The following HDAC9 variants were observed in gnomAD, a reference collection of about 807,000 sequenced individuals.
HDAC9 encodes the protein histone deacetylase 9.
A neutral mutation model predicts 139.4 loss-of-function variants in HDAC9; 41 were observed. That is an observed-to-expected ratio of 0.29 (90% confidence interval 0.23 to 0.38). The LOEUF (loss-of-function observed/expected upper bound fraction) is 0.38. HDAC9 is among the 10% of genes least tolerant of loss of function. The pLI is 1.00. For synonymous variants in HDAC9, 517 were observed against 476.2 expected (o/e 1.09, Z -1.12); for missense variants, 1,147 against 1,297.0 (o/e 0.88, Z 1.78).
intron 12 of HDAC9, among the ~76,000 whole-genome samples, chr7:18,705,510 A>T (rs565182155): frequency 6.6e-6 from 1 of 152,228 alleles, no homozygotes; most frequent in African/African-American, 2.4e-5. Flanking sequence ...TATTCCAATG[A>T]TTAACCGAAC....
At chr7:18,280,778 A>G (rs1797056551) in intron 2 of HDAC9, among the ~76,000 whole-genome samples, 1 of 151,946 alleles carries the variant, frequency 6.6e-6, no homozygotes, top group African/African-American at 2.4e-5. Context: ...AAATAAATAA[A>G]TAAATAAAAA....
In HDAC9 at chr7:18,859,840, A is replaced by ATGTGTGTGTGTGTGTG. The variant is rs1562997039; in HGVS notation, c.2685-14637_2685-14636insGTGTGTGTGTGTGTGT. ...TATATATATATATATATATATATAT[A>ATGTGTGTGTGTGTGTG]TATATATATATATATATATGTGAGA... On this transcript the variant is annotated intron_variant, in intron 21 of 25. Transcript: ENST00000686413. 2.9e-4 allele frequency among the ~76,000 whole-genome samples: 38 copies of ATGTGTGTGTGTGTGTG among 130,142 alleles called. 1 individual carries two copies. Among genetic ancestry groups the ATGTGTGTGTGTGTGTG allele is most frequent in the African/African-American group, 1.0e-3 (38 of 36,246 alleles). 85.4% of individuals were successfully genotyped at this position (130,142 alleles called of 152,430 possible). A position where few individuals can be genotyped will look rare whatever the true frequency, so the allele number is the denominator to read the frequency against.
rs1257378415 is a variant in HDAC9 at position 18,745,382 on chromosome 7, A to G, written c.1910-3623A>G. 2.0e-5 allele frequency among the ~76,000 whole-genome samples: 3 copies of G among 152,234 alleles called. No homozygotes were observed. In the East Asian group the frequency reaches 5.8e-4, roughly 29 times the overall value. ...TACCTGGCAAAAATTCCCAGCTACC[A>G]TTACCTGTTTCACAATTATTTTTCT... On this transcript the variant is annotated intron_variant, in intron 13 of 25. Transcript: ENST00000686413.
chr7:18,713,236 T>A (rs547805978), intron 12 of HDAC9, among the ~76,000 whole-genome samples: 1 of 152,310 alleles, frequency 6.6e-6, no homozygotes, highest in African/African-American at 2.4e-5. Flanking sequence ...ATGAGACCAC[T>A]TAGCAGAATC....
At chr7:18,439,656 A>T (rs1791559155) in intron 1 of HDAC9, among the ~76,000 whole-genome samples, 1 of 152,226 alleles carries the variant, frequency 6.6e-6, no homozygotes, top group Non-Finnish European at 1.5e-5. Context: ...TTGTAGTTTG[A>T]GAAATCAATT....
At position 18,975,860 on chromosome 7, in the gene HDAC9, C is replaced by G. The variant is rs1272235303; in HGVS notation, c.3077C>G (p.Ala1026Gly). ...GCTGTGCCAAGGGGCTGTGCTCTGG[C>G]TGGTGCTCAGTTGCAAGAGGAGACA... ...MVAVPRGCAL[A>G]GAQLQEETET... The change falls in exon 25 of 26, where the codon GCT becomes GGT. Residue 1026 changes from alanine (A) to glycine (G), a missense_variant. Ala to Gly is a moderately conservative substitution (Grantham distance 60). Transcript: ENST00000686413. 12 of 1,613,742 alleles carry G rather than the reference C, an allele frequency of 7.4e-6. No individual in the cohort carries two copies. Among genetic ancestry groups the G allele is most frequent in the Non-Finnish European group, 1.0e-5 (12 of 1,179,824 alleles).
At chr7:18,420,037 C>G (rs1277145751) in intron 1 of HDAC9, among the ~76,000 whole-genome samples, 3 of 152,048 alleles carry the variant, frequency 2.0e-5, no homozygotes, top group African/African-American at 7.2e-5. Context: ...CTCTGCTAGT[C>G]TATAGAAATT....
intron 6 of HDAC9, among the ~76,000 whole-genome samples, chr7:18,608,895 A>G (rs1487602973): frequency 6.6e-6 from 1 of 152,164 alleles, no homozygotes; most frequent in Admixed American, 6.5e-5. Context: ...GAACCACCGT[A>G]CTTCTTGAGG....
At chr7:18,650,635 A>G (rs1788938270) in intron 11 of HDAC9, among the ~76,000 whole-genome samples, 1 of 152,202 alleles carries the variant, frequency 6.6e-6, no homozygotes, top group African/African-American at 2.4e-5. Flanking sequence ...CATTTTAGCA[A>G]TGAGAAAAGC....
intron 22 of HDAC9, among the ~76,000 whole-genome samples, chr7:18,927,713 T>G (rs1271650517): frequency 6.6e-6 from 1 of 152,158 alleles, no homozygotes; most frequent in Non-Finnish European, 1.5e-5. Flanking sequence ...ATGAGTAAAT[T>G]GGTAGTGAGA....
intron 25 of HDAC9, among the ~76,000 whole-genome samples, chr7:18,990,691 G>A (rs1036069850): frequency 2.0e-4 from 30 of 152,244 alleles, no homozygotes; most frequent in Non-Finnish European, 8.8e-5. Context: ...TGAGCTAGCA[G>A]TCAGCGAGAT....
chr7:18,935,736 G>C, intron 22 of HDAC9, 73 bp from the exon 23 acceptor site: 1 of 1,373,762 alleles, frequency 7.3e-7, no homozygotes, highest in Admixed American at 1.8e-5. Context: ...CAAAATACAT[G>C]CTCAATGTTA....
chr7:18,668,991 A>G (rs10262002), intron 12 of HDAC9: 6 of 631,266 alleles, frequency 9.5e-6, no homozygotes, highest in Non-Finnish European at 1.2e-5. Context: ...ATCTAATACC[A>G]TTAAAAACAA....
At chr7:18,344,302 G>C (rs1274260949) in intron 1 of HDAC9, among the ~76,000 whole-genome samples, 2 of 151,874 alleles carry the variant, frequency 1.3e-5, no homozygotes, top group Non-Finnish European at 2.9e-5. Flanking sequence ...GTAGGAACTA[G>C]ATCAAGCACT....
At chr7:18,096,915 G>GTGTA (rs1320195704) in intron 1 of HDAC9, among the ~76,000 whole-genome samples, 1 of 151,508 alleles carries the variant, frequency 6.6e-6, no homozygotes, top group African/African-American at 2.4e-5. Context: ...GTGTGTGTGT[G>GTGTA]TGTGTGTATT....
At chr7:18,096,568 T>C (rs976033990) in intron 1 of HDAC9, among the ~76,000 whole-genome samples, 5 of 152,236 alleles carry the variant, frequency 3.3e-5, no homozygotes, top group Non-Finnish European at 5.9e-5. Context: ...CAAATGTTAA[T>C]TGGCCACTTA....
chr7:18,390,047 AAC>A (rs60514746), intron 1 of HDAC9, among the ~76,000 whole-genome samples: 13,902 of 130,256 alleles, frequency 0.11, 724 homozygotes, highest in East Asian at 0.15. Flanking sequence ...AGAGAAAGAC[AAC>A]ACACACACAC....
At chr7:18,461,019 G>A (rs2128109818) in intron 1 of HDAC9, among the ~76,000 whole-genome samples, 1 of 152,168 alleles carries the variant, frequency 6.6e-6, no homozygotes, top group South Asian at 2.1e-4. Context: ...AATTAAATAA[G>A]CGGCACTCTT....
chr7:18,584,377 C>T (rs923604589), intron 2 of HDAC9, among the ~76,000 whole-genome samples: 10 of 152,018 alleles, frequency 6.6e-5, no homozygotes, highest in Non-Finnish European at 1.2e-4. Context: ...ATCTGCCTGC[C>T]TTGGCCTCCC....
Sources: gnomAD v4.1 joint callset for allele counts (sites outside exome capture counted in the v4.1 genomes callset) on GRCh38, gnomAD v4.1.1 for gene constraint, MANE v1.5 for transcripts, NCBI Gene and HGNC (gene_info 2026-07-23, HGNC 2026-07-21) for gene names.